The following ADAMTS6 variants were observed in gnomAD, a reference collection of about 807,000 sequenced individuals.
ADAMTS6 encodes the protein ADAM metallopeptidase with thrombospondin type 1 motif 6.
A neutral mutation model predicts 144.3 loss-of-function variants in ADAMTS6; 23 were observed. That is an observed-to-expected ratio of 0.16 (90% CI 0.11 to 0.23). The LOEUF is 0.23. ADAMTS6 is among the 10% of genes least tolerant of loss of function. The pLI is 1.00. For missense variants in ADAMTS6, 999 were observed against 1,379.6 expected (o/e 0.72, Z 4.37); for synonymous variants, 444 against 457.5 (o/e 0.97, Z 0.38).
intron 3 of ADAMTS6, among the ~76,000 whole-genome samples, chr5:65,468,117 A>C (rs985281026): frequency 1.3e-5 from 2 of 152,200 alleles, no homozygotes; most frequent in African/African-American, 2.4e-5. Context: ...TTAAAATATG[A>C]CATTATATGA....
At chr5:65,430,092 T>G (rs1435646878) in intron 7 of ADAMTS6, among the ~76,000 whole-genome samples, 1 of 151,974 alleles carries the variant, frequency 6.6e-6, no homozygotes, top group East Asian at 1.9e-4. Flanking sequence ...TTGCAACTAT[T>G]ATTATCAACA....
chr5:65,414,040 C>T (rs1038755793), intron 7 of ADAMTS6, among the ~76,000 whole-genome samples: 18 of 152,198 alleles, frequency 1.2e-4, no homozygotes, highest in Non-Finnish European at 2.2e-4. Flanking sequence ...AGTCATAAAA[C>T]CCTCATGTAC....
intron 7 of ADAMTS6, among the ~76,000 whole-genome samples, chr5:65,423,187 G>A (rs1756219418): frequency 6.6e-6 from 1 of 152,082 alleles, no homozygotes; most frequent in Admixed American, 6.6e-5. Flanking sequence ...ATAGGAGGAG[G>A]GTGAGGAATA....
chr5:65,299,360 G>A (rs1437888421), intron 10 of ADAMTS6, among the ~76,000 whole-genome samples: 1 of 152,072 alleles, frequency 6.6e-6, no homozygotes, highest in African/African-American at 2.4e-5. Context: ...CAATCCTGAA[G>A]CCCTATGCAA....
chr5:65,293,476 CT>C (rs1362150000), intron 10 of ADAMTS6, among the ~76,000 whole-genome samples: 2 of 151,960 alleles, frequency 1.3e-5, no homozygotes, highest in Non-Finnish European at 2.9e-5. Flanking sequence ...AAAATAATTA[CT>C]TTTAGTAATA....
chr5:65,428,321 T>C (rs767678388), intron 7 of ADAMTS6, among the ~76,000 whole-genome samples: 3 of 151,788 alleles, frequency 2.0e-5, no homozygotes, highest in African/African-American at 4.8e-5. Flanking sequence ...ATACAACAGG[T>C]TCACTTTAAA....
intron 20 of ADAMTS6, chr5:65,198,548 A>C (rs1385376688): frequency 6.0e-6 from 1 of 167,096 alleles, no homozygotes; most frequent in African/African-American, 2.4e-5. Context: ...TAAGCCCTTT[A>C]AATTTAAAGA....
At chr5:65,196,303 G>A (rs1412480480) in intron 21 of ADAMTS6, among the ~76,000 whole-genome samples, 6 of 151,982 alleles carry the variant, frequency 3.9e-5, no homozygotes, top group Admixed American at 6.6e-5. Flanking sequence ...TTGGGAGGCC[G>A]AGGCGGGCGG....
intron 8 of ADAMTS6, among the ~76,000 whole-genome samples, chr5:65,331,976 T>C (rs1286259098): frequency 6.6e-6 from 1 of 151,900 alleles, no homozygotes; most frequent in Non-Finnish European, 1.5e-5. Context: ...ATTAATGTAC[T>C]GATTCTATAA....
intron 3 of ADAMTS6, among the ~76,000 whole-genome samples, chr5:65,463,513 C>T (rs751649529): frequency 3.3e-5 from 5 of 152,144 alleles, no homozygotes; most frequent in Non-Finnish European, 5.9e-5. Context: ...AAGCCTTGCT[C>T]TCACTTACCT....
At position 65,250,099 on chromosome 5, in the gene ADAMTS6, A is replaced by G. The variant is rs114289689; in HGVS notation, c.1831-7893T>C. Among the ~76,000 whole-genome samples the G allele has an allele frequency of 5.5e-3, 835 of 152,318 alleles. 3 individuals are homozygous for G. The highest frequency in any genetic ancestry group is 0.019 in the African/African-American group (808 of 41,566). ...GCTAAGCTTTAGTTTCCTCTTTTTA[A>G]AAATACTTGTCTTTCCTCTTCAGAA... On this transcript the variant is annotated intron_variant, in intron 14 of 24. Transcript: ENST00000381055.
At chr5:65,260,370 A>T (rs1018220784) in intron 14 of ADAMTS6, among the ~76,000 whole-genome samples, 1 of 151,958 alleles carries the variant, frequency 6.6e-6, no homozygotes, top group African/African-American at 2.4e-5. Flanking sequence ...GCCTCTCTTG[A>T]TATCTGTTGG....
chr5:65,312,204 C>T (rs138740706), intron 9 of ADAMTS6, among the ~76,000 whole-genome samples: 67 of 151,730 alleles, frequency 4.4e-4, no homozygotes, highest in African/African-American at 1.5e-3. Flanking sequence ...AATGATGAGA[C>T]AATGATAGTC....
chr5:65,423,148 T>C (rs578099635), intron 7 of ADAMTS6, among the ~76,000 whole-genome samples: 1 of 152,256 alleles, frequency 6.6e-6, no homozygotes, highest in South Asian at 2.1e-4. Flanking sequence ...AGTGCTATAA[T>C]GGATACTGGA....
intron 11 of ADAMTS6, among the ~76,000 whole-genome samples, chr5:65,276,072 CTATT>C (rs1204245702): frequency 1.3e-5 from 2 of 152,142 alleles, no homozygotes; most frequent in Non-Finnish European, 2.9e-5. Context: ...GGAAAACACA[CTATT>C]TAGTCAGGTT....
intron 7 of ADAMTS6, among the ~76,000 whole-genome samples, chr5:65,355,731 G>C: frequency 6.6e-6 from 1 of 151,730 alleles, no homozygotes; most frequent in East Asian, 1.9e-4. Context: ...GTCTAATCGA[G>C]AGCTAAAGCT....
At chr5:65,322,812 A>G (rs555738548) in intron 9 of ADAMTS6, among the ~76,000 whole-genome samples, 120 of 152,292 alleles carry the variant, frequency 7.9e-4, no homozygotes, top group African/African-American at 2.8e-3. Flanking sequence ...ATATAGGATC[A>G]TGTCATCTGC....
chr5:65,458,126 C>A (rs962793641), intron 4 of ADAMTS6, among the ~76,000 whole-genome samples: 5 of 152,016 alleles, frequency 3.3e-5, no homozygotes, highest in Non-Finnish European at 7.4e-5. Flanking sequence ...TTTCATTACT[C>A]AATATAAAGA....
chr5:65,373,012 G>A (rs899338992), intron 7 of ADAMTS6, among the ~76,000 whole-genome samples: 7 of 152,202 alleles, frequency 4.6e-5, no homozygotes, highest in Non-Finnish European at 7.3e-5. Flanking sequence ...TGACTACTGG[G>A]TACGTAACAA....
Sources: allele counts gnomAD v4.1 joint callset (sites outside exome capture counted in the v4.1 genomes callset), GRCh38; gene constraint gnomAD v4.1.1; transcripts MANE v1.5; gene names NCBI Gene and HGNC (gene_info 2026-07-23, HGNC 2026-07-21).